Variants in NRXN3 observed in about 807,000 individuals in gnomAD.
NRXN3 encodes the protein neurexin 3, also known as neurexin III.
In NRXN3, 32 loss-of-function variants were observed where a neutral mutation model predicts 137.6. The ratio of observed to expected loss-of-function variants is 0.23; its 90% CI spans 0.18 to 0.31. The LOEUF (loss-of-function observed/expected upper bound fraction) is 0.31, where lower values mean the gene tolerates loss of function less well. Among genes scored for constraint, NRXN3 ranks in the 10% least tolerant of loss-of-function variants. The pLI is 1.00. For missense variants in NRXN3, 1,574 were observed against 2,062.5 expected, an observed-to-expected ratio of 0.76 and a Z score of 4.59; for synonymous variants, 798 against 784.5, an observed-to-expected ratio of 1.02 and a Z score of -0.29.
intron 4 of NRXN3, among the ~76,000 whole-genome samples, chr14:78,472,495 G>T (rs2095293880): frequency 6.6e-6 from 1 of 152,170 alleles, no homozygotes; most frequent in Admixed American, 6.5e-5. Context: ...TCCTCTGGCA[G>T]GAGCAGTGTC....
intron 4 of NRXN3, among the ~76,000 whole-genome samples, chr14:78,341,014 T>C (rs542057601): frequency 2.0e-5 from 3 of 152,308 alleles, no homozygotes; most frequent in Non-Finnish European, 4.4e-5. Flanking sequence ...AATGAGTCAG[T>C]TTTTTATTAT....
intron 4 of NRXN3, among the ~76,000 whole-genome samples, chr14:78,620,615 G>T (rs981027797): frequency 1.3e-5 from 2 of 152,196 alleles, no homozygotes; most frequent in Non-Finnish European, 2.9e-5. Context: ...AGAGGAAGAT[G>T]AAAGCACTGT....
At chr14:79,795,691 A>G (rs2099158961) in intron 19 of NRXN3, among the ~76,000 whole-genome samples, 1 of 152,156 alleles carries the variant, frequency 6.6e-6, no homozygotes, top group African/African-American at 2.4e-5. Flanking sequence ...CTTTTCTAAC[A>G]TTATATTACA....
chr14:78,927,706 G>A (rs967889589), intron 10 of NRXN3, among the ~76,000 whole-genome samples: 2 of 152,070 alleles, frequency 1.3e-5, no homozygotes, highest in African/African-American at 2.4e-5. Context: ...TGATTTCATA[G>A]GTACTTTGCA....
Position 78,488,743 on chromosome 14 carries a change from G to A in NRXN3, c.758-156377G>A, listed in dbSNP as rs543185994. Among the ~76,000 whole-genome samples, 148 of 149,680 alleles carry A rather than the reference G, an allele frequency of 9.9e-4. 1 individual carries two copies. The highest frequency in any genetic ancestry group is 9.6e-3 in the South Asian group (44 of 4,562). On this transcript the variant is annotated intron_variant, in intron 4 of 20. Coordinates refer to ENST00000335750, the MANE Select transcript of NRXN3 (RefSeq NM_001330195.2). ...AAATAAGGCAAAAGAAGAGAAGAAG[G>A]AGAAAGAAAGGAGGAGGAGGATGAA...
intron 15 of NRXN3, among the ~76,000 whole-genome samples, chr14:79,064,819 GTGTGTA>G (rs2099678778): frequency 7.4e-6 from 1 of 135,772 alleles, no homozygotes; most frequent in Non-Finnish European, 1.6e-5. Context: ...GTGTGTGTGT[GTGTGTA>G]TATATAATTA....
intron 15 of NRXN3, among the ~76,000 whole-genome samples, chr14:79,410,029 C>A (rs1009425174): frequency 2.0e-5 from 3 of 151,766 alleles, no homozygotes; most frequent in Admixed American, 6.6e-5. Context: ...TTTATACTTT[C>A]TTCAGATTTC....
chr14:79,098,820 A>G (rs1427852268), intron 15 of NRXN3, among the ~76,000 whole-genome samples: 1 of 152,142 alleles, frequency 6.6e-6, no homozygotes, highest in Non-Finnish European at 1.5e-5. Context: ...ACAATTTGAC[A>G]TTCAAAGGCC....
chr14:79,666,846 A>G (rs1486981880), intron 17 of NRXN3, among the ~76,000 whole-genome samples: 1 of 152,042 alleles, frequency 6.6e-6, no homozygotes, highest in African/African-American at 2.4e-5. Flanking sequence ...CCTTACAACA[A>G]TGGCAATGTG....
intron 15 of NRXN3, among the ~76,000 whole-genome samples, chr14:79,217,827 A>G (rs1378390030): frequency 6.6e-6 from 1 of 152,234 alleles, no homozygotes; most frequent in Non-Finnish European, 1.5e-5. Context: ...CTTGAGAACC[A>G]TTGCTTTAAA....
chr14:78,510,269 A>C (rs73322399), intron 4 of NRXN3, among the ~76,000 whole-genome samples: 3,245 of 152,054 alleles, frequency 0.021, 109 homozygotes, highest in African/African-American at 0.071. Flanking sequence ...AAAGTACTTT[A>C]GTCTGGCATG....
intron 10 of NRXN3, among the ~76,000 whole-genome samples, chr14:78,914,597 A>G (rs529918168): frequency 1.3e-5 from 2 of 152,300 alleles, no homozygotes; most frequent in South Asian, 4.1e-4. Context: ...CAGAGGAAGC[A>G]GAAAGTATAA....
chr14:78,887,414 T>C (rs2099146700), intron 10 of NRXN3, among the ~76,000 whole-genome samples: 1 of 152,022 alleles, frequency 6.6e-6, no homozygotes, highest in African/African-American at 2.4e-5. Context: ...GATCTTTTAG[T>C]AGTAAAATTT....
chr14:78,245,201 G>A (rs1421606548), intron 2 of NRXN3, among the ~76,000 whole-genome samples: 1 of 152,180 alleles, frequency 6.6e-6, no homozygotes, highest in Non-Finnish European at 1.5e-5. Flanking sequence ...TCTCTTCGTG[G>A]AGGTGGTGTA....
At chr14:78,349,079 A>G (rs1392948418) in intron 4 of NRXN3, among the ~76,000 whole-genome samples, 2 of 152,212 alleles carry the variant, frequency 1.3e-5, no homozygotes, top group Non-Finnish European at 2.9e-5. Context: ...TGGAATGAGC[A>G]TTTACCATGT....
chr14:79,381,739 AG>A (rs948698030), intron 15 of NRXN3, among the ~76,000 whole-genome samples: 3 of 152,206 alleles, frequency 2.0e-5, no homozygotes, highest in African/African-American at 7.2e-5. Flanking sequence ...AACCTTCCAG[AG>A]TGTTCCATAA....
chr14:78,837,783 C>T (rs1567468201), intron 10 of NRXN3, among the ~76,000 whole-genome samples: 1 of 152,122 alleles, frequency 6.6e-6, no homozygotes, highest in Non-Finnish European at 1.5e-5. Context: ...TAGTGAAAAG[C>T]CACCTTTGCG....
intron 19 of NRXN3, among the ~76,000 whole-genome samples, chr14:79,706,419 CTT>C (rs919138966): frequency 1.6e-3 from 182 of 115,978 alleles, no homozygotes; most frequent in African/African-American, 5.4e-3. Flanking sequence ...GGCTTTTTTA[CTT>C]TTTTTTTTTT....
At chr14:79,676,029 G>A (rs1030625320) in intron 17 of NRXN3, among the ~76,000 whole-genome samples, 8 of 151,846 alleles carry the variant, frequency 5.3e-5, no homozygotes, top group Admixed American at 6.6e-5. Context: ...TCTCCTACCC[G>A]CACCCTGATT....
Sources: allele counts gnomAD v4.1 joint callset (sites outside exome capture counted in the v4.1 genomes callset), GRCh38; gene constraint gnomAD v4.1.1; transcripts MANE v1.5; gene names NCBI Gene and HGNC (gene_info 2026-07-23, HGNC 2026-07-21).